The following MORN1 variants were observed in gnomAD, a reference collection of about 807,000 sequenced individuals.
MORN1 encodes MORN repeat containing 1.
In MORN1, 67 loss-of-function variants were observed where a neutral mutation model predicts 61.9. The ratio of observed to expected loss-of-function variants is 1.08; its 90% confidence interval spans 0.89 to 1.33. The LOEUF (loss-of-function observed/expected upper bound fraction) is 1.33. Ranked by LOEUF, MORN1 falls within the 40% of genes most tolerant of loss-of-function variation. MORN1 has a pLI of 0.00. For missense variants in MORN1, 752 were observed against 691.2 expected, an observed-to-expected ratio of 1.09 and a Z score of -0.99; for synonymous variants, 301 against 292.0, an observed-to-expected ratio of 1.03 and a Z score of -0.31.
intron 10 of MORN1, among the ~76,000 whole-genome samples, chr1:2,344,775 G>A (rs1641474670): frequency 6.6e-6 from 1 of 152,230 alleles, no homozygotes; most frequent in Admixed American, 6.5e-5. Flanking sequence ...TGCAGAGCCT[G>A]GGGGCAGGGC....
Position 2,323,001 on chromosome 1 carries a change from C to T in MORN1, c.1297+1096G>A, listed in dbSNP as rs567163796. On this transcript the variant is annotated intron_variant, in intron 13 of 13. Coordinates refer to ENST00000378531, the MANE Select transcript of MORN1 (RefSeq NM_024848.3). ...GCTTAGCCCCAAGTGGCCCCTGAAT[C>T]GGATCTCCCTTCGCTCCTCACCCCC... 4.4e-5 allele frequency: 43 copies of T among 985,462 alleles called. 1 individual carries two copies. The East Asian group carries it at 9.1e-4, about 21-fold the overall frequency. 61.0% of individuals were successfully genotyped at this position (985,462 alleles called of 1,614,324 possible).
intron 10 of MORN1, chr1:2,352,299 A>T (rs1641667331): frequency 5.9e-6 from 1 of 170,600 alleles, no homozygotes; most frequent in South Asian, 1.7e-4. Flanking sequence ...ATCCAGGACC[A>T]TGAGGTGGTG....
At chr1:2,366,782 C>G (rs751731900) in intron 8 of MORN1, among the ~76,000 whole-genome samples, 1 of 152,062 alleles carries the variant, frequency 6.6e-6, no homozygotes, top group African/African-American at 2.4e-5. Flanking sequence ...GTGATGTGCT[C>G]GCCTCAGCCT....
chr1:2,346,447 G>T (rs1037779904), intron 10 of MORN1, among the ~76,000 whole-genome samples: 7 of 152,148 alleles, frequency 4.6e-5, no homozygotes, highest in African/African-American at 7.2e-5. Flanking sequence ...GTGCCGTGGC[G>T]CATTCTCGGC....
intron 10 of MORN1, chr1:2,355,174 GC>G (rs1641735614): frequency 1.7e-6 from 2 of 1,185,276 alleles, no homozygotes; most frequent in Admixed American, 8.3e-5. Flanking sequence ...AAGGCATGGC[GC>G]CCAGTAAGTA....
At chr1:2,347,769 C>T (rs1366424494) in intron 10 of MORN1, among the ~76,000 whole-genome samples, 1 of 152,188 alleles carries the variant, frequency 6.6e-6, no homozygotes, top group African/African-American at 2.4e-5. Context: ...GCCCCCGCTG[C>T]CCCCGTCACC....
chr1:2,331,836 CTCGT>C (rs1641157499), intron 12 of MORN1, among the ~76,000 whole-genome samples: 2 of 143,140 alleles, frequency 1.4e-5, no homozygotes, highest in African/African-American at 5.5e-5. Context: ...GCGCCTCTCC[CTCGT>C]GCGGCTCTCC....
At position 2,321,304 on chromosome 1, in the gene MORN1, A is replaced by G; in HGVS notation, c.*79T>C. 9.1e-7 allele frequency: 1 copy of G among 1,093,160 alleles called. No homozygotes were observed. Among genetic ancestry groups the G allele is most frequent in the Non-Finnish European group, 1.3e-6 (1 of 791,450 alleles). The allele number at this position is 1,093,160 out of a possible 1,614,324, so 67.7% of individuals were successfully genotyped here. A position where few individuals can be genotyped will look rare whatever the true frequency, so the allele number is the denominator to read the frequency against. On this transcript the variant is annotated 3_prime_UTR_variant, in exon 14 of 14. Coordinates refer to ENST00000378531, the MANE Select transcript of MORN1 (RefSeq NM_024848.3). The stretch of plus-strand genomic sequence containing the variant: ...GCCAGCAACCACGGGGCTCTGGAGA[A>G]TCGGGGAGCAGAGTCACGCAAGCAG...
chr1:2,362,212 A>G (rs964619199), intron 8 of MORN1, among the ~76,000 whole-genome samples: 2 of 152,232 alleles, frequency 1.3e-5, no homozygotes, highest in Admixed American at 6.5e-5. Flanking sequence ...AGCCTGGGCG[A>G]CAGAGCGAGA....
intron 10 of MORN1, chr1:2,351,259 C>T: frequency 6.6e-6 from 1 of 152,048 alleles, no homozygotes; most frequent in Non-Finnish European, 1.5e-5. Context: ...TGGGCTTTTG[C>T]TGCAAAAGCG....
At chr1:2,363,812 AT>A (rs200798820) in intron 8 of MORN1, among the ~76,000 whole-genome samples, 26 of 95,600 alleles carry the variant, frequency 2.7e-4, no homozygotes, top group African/African-American at 1.1e-3. Flanking sequence ...AAACAAAAAA[AT>A]ATATATATAT....
intron 8 of MORN1, chr1:2,363,594 A>G (rs556813885): frequency 3.3e-5 from 5 of 151,906 alleles, no homozygotes; most frequent in Admixed American, 3.3e-4. Flanking sequence ...TCATCTCTAA[A>G]AGAAAAAAAA....
rs374124212 is a variant in MORN1, at chr1:2,372,287, A to G, written c.745+194T>C. Reference sequence around the variant, plus strand: ...ACACAATATGTGCACACATGCTTGCACACACACCCAAGGCTGCCCTGACTG... The same window carrying G: ...ACACAATATGTGCACACATGCTTGCGCACACACCCAAGGCTGCCCTGACTG... On this transcript the variant is annotated intron_variant, in intron 8 of 13. Transcript: ENST00000378531. This position sits in a 1 kb window ranked among gnomAD's most constrained non-coding sequence, Gnocchi z 5.4. 517 of 572,846 alleles carry G rather than the reference A, an allele frequency of 9.0e-4. 5 individuals are homozygous for G. In the South Asian group the frequency reaches 9.8e-3, roughly 11 times the overall value. The allele number at this position is 572,846 out of a possible 1,614,324, so 35.5% of individuals were successfully genotyped here.
chr1:2,378,477 C>A (rs560705190), intron 6 of MORN1: 1 of 171,444 alleles, frequency 5.8e-6, no homozygotes, highest in Admixed American at 5.6e-5. Context: ...TTCCCACACA[C>A]GCCCAGCTGA....
intron 8 of MORN1, among the ~76,000 whole-genome samples, chr1:2,359,962 C>A (rs556928137): frequency 6.6e-6 from 1 of 152,150 alleles, no homozygotes; most frequent in African/African-American, 2.4e-5. Context: ...AGCTTTGGGA[C>A]GGGCTCTCAA....
intron 12 of MORN1, among the ~76,000 whole-genome samples, chr1:2,324,631 T>G (rs1187383583): frequency 6.6e-6 from 1 of 152,128 alleles, no homozygotes; most frequent in Non-Finnish European, 1.5e-5. Context: ...AGAGGCCCAG[T>G]GTCACCTGGG....
intron 12 of MORN1, among the ~76,000 whole-genome samples, chr1:2,325,579 T>A (rs72642145): frequency 3.6e-4 from 54 of 150,666 alleles, no homozygotes; most frequent in Non-Finnish European, 2.7e-4. Flanking sequence ...ACTCCTGGGC[T>A]CAGGAGAATC....
rs1437206564 is a variant in MORN1, at chr1:2,357,291, CT to C, written c.1036+140del. Reference sequence around the variant, plus strand: ...GATGTGGGCTGCCCGGCCCTGCCTCCTTTCACCCACGCGTGATGACTGACCC... The same window carrying C: ...GATGTGGGCTGCCCGGCCCTGCCTCCTTCACCCACGCGTGATGACTGACCC... On this transcript the variant is annotated intron_variant, in intron 10 of 13. Transcript: ENST00000378531. The surrounding 1 kb of genome is among the most constrained non-coding windows in gnomAD (Gnocchi z 6.3). The C allele has an allele frequency of 1.7e-5, 15 of 892,170 alleles. No homozygotes were observed. Among genetic ancestry groups the C allele is most frequent in the Non-Finnish European group, 2.2e-5 (13 of 598,262 alleles). 55.3% of individuals were successfully genotyped at this position (892,170 alleles called of 1,614,324 possible). A position where few individuals can be genotyped will look rare whatever the true frequency, so the allele number is the denominator to read the frequency against.
At chr1:2,366,696 G>T (rs1642002200) in intron 8 of MORN1, among the ~76,000 whole-genome samples, 1 of 151,990 alleles carries the variant, frequency 6.6e-6, no homozygotes, top group South Asian at 2.1e-4. Context: ...GCTAATTTTT[G>T]TATTTTTAGT....
Sources: allele counts gnomAD v4.1 joint callset (sites outside exome capture counted in the v4.1 genomes callset), GRCh38; gene constraint gnomAD v4.1.1; non-coding constraint Gnocchi (gnomAD v3.1); transcripts MANE v1.5; gene names NCBI Gene and HGNC (gene_info 2026-07-23, HGNC 2026-07-21).